Variants in EXOC4 observed in about 807,000 individuals in gnomAD.
EXOC4 encodes the protein exocyst complex component 4.
A neutral mutation model predicts 107.2 loss-of-function variants in EXOC4; 71 were observed. The observed-to-expected ratio is 0.66, with a 90% CI of 0.55 to 0.81. The LOEUF is 0.81. EXOC4 is among the 30% of genes least tolerant of loss of function. EXOC4 has a pLI of 0.00. For synonymous variants in EXOC4, 456 were observed against 441.2 expected, an observed-to-expected ratio of 1.03 and a Z score of -0.42; for missense variants, 1,108 against 1,189.6, an observed-to-expected ratio of 0.93 and a Z score of 1.01.
chr7:133,689,160 CT>C (rs1456415887), intron 10 of EXOC4, among the ~76,000 whole-genome samples: 1 of 152,128 alleles, frequency 6.6e-6, no homozygotes, highest in Non-Finnish European at 1.5e-5. Flanking sequence ...TGATGAAATA[CT>C]TTCCCTGACC....
At chr7:133,940,445 T>C (rs1230640706) in intron 14 of EXOC4, among the ~76,000 whole-genome samples, 1 of 152,210 alleles carries the variant, frequency 6.6e-6, no homozygotes, top group Non-Finnish European at 1.5e-5. Flanking sequence ...TTTTATAATA[T>C]AAGTTGTACC....
At chr7:133,819,568 A>G (rs1797460557) in intron 11 of EXOC4, among the ~76,000 whole-genome samples, 1 of 152,166 alleles carries the variant, frequency 6.6e-6, no homozygotes, top group South Asian at 2.1e-4. Flanking sequence ...ATAAGTACCC[A>G]CAGAGTCAGA....
intron 15 of EXOC4, among the ~76,000 whole-genome samples, chr7:134,002,686 T>C (rs565771700): frequency 6.6e-6 from 1 of 152,130 alleles, no homozygotes; most frequent in Non-Finnish European, 1.5e-5. Context: ...ATCAAAGATA[T>C]ACACGCAGAA....
intron 1 of EXOC4, among the ~76,000 whole-genome samples, chr7:133,265,111 T>C (rs1326830593): frequency 6.6e-6 from 1 of 152,158 alleles, no homozygotes; most frequent in Non-Finnish European, 1.5e-5. Context: ...TCTTTTTTTC[T>C]TGCATCGGGA....
chr7:133,661,702 A>C lies in EXOC4; in HGVS notation c.1514+31561A>C, dbSNP rs946790966. On this transcript the variant is annotated intron_variant, in intron 10 of 17. Coordinates refer to ENST00000253861, the MANE Select transcript of EXOC4 (RefSeq NM_021807.4). ...AAAAAAAAAAAACAAAAAAAAAAAA[A>C]ACAAGAATTTTGATCACAGTCAGAC... Among the ~76,000 whole-genome samples the C allele has an allele frequency of 5.6e-5, 8 of 141,970 alleles. No homozygotes were observed. In the East Asian group the frequency reaches 8.2e-4, roughly 15 times the overall value. 93.1% of individuals were successfully genotyped at this position (141,970 alleles called of 152,430 possible).
intron 17 of EXOC4, among the ~76,000 whole-genome samples, chr7:134,045,351 C>G (rs530110468): frequency 7.9e-5 from 12 of 152,148 alleles, no homozygotes; most frequent in Non-Finnish European, 1.6e-4. Flanking sequence ...GGTCAGTTAA[C>G]TTACAAAAGC....
chr7:133,280,154 C>G (rs972787611), intron 2 of EXOC4, among the ~76,000 whole-genome samples: 1 of 152,128 alleles, frequency 6.6e-6, no homozygotes, highest in Non-Finnish European at 1.5e-5. Flanking sequence ...GAGACGAGGT[C>G]TCAACAGAAG....
chr7:133,555,027 G>T (rs1176751848), intron 9 of EXOC4, among the ~76,000 whole-genome samples: 1 of 152,132 alleles, frequency 6.6e-6, no homozygotes, highest in African/African-American at 2.4e-5. Flanking sequence ...TCTAGCCTGT[G>T]GGGTGTGGAT....
At chr7:134,042,551 C>T (rs6967856) in intron 17 of EXOC4, among the ~76,000 whole-genome samples, 80,686 of 151,622 alleles carry the variant, frequency 0.53, 22,240 homozygotes, top group African/African-American at 0.67. Flanking sequence ...CTGTCGATTA[C>T]GACAGAGGCC....
Position 133,671,789 on chromosome 7 carries a change from A to G in EXOC4, c.1514+41648A>G, listed in dbSNP as rs6969510. 2.4e-3 allele frequency among the ~76,000 whole-genome samples: 369 copies of G among 152,294 alleles called. 5 individuals are homozygous for G. Among genetic ancestry groups the G allele is most frequent in the African/African-American group, 8.3e-3 (345 of 41,562 alleles). On this transcript the variant is annotated intron_variant, in intron 10 of 17. Transcript: ENST00000253861. The stretch of plus-strand genomic sequence containing the variant: ...GAAAAAGAGGAGTCAAGCATATCGC[A>G]AAGGTTTTTCACTTAAGTAACAGCA...
chr7:133,600,056 G>A (rs922073285), intron 9 of EXOC4, among the ~76,000 whole-genome samples: 4 of 151,590 alleles, frequency 2.6e-5, no homozygotes, highest in Admixed American at 1.3e-4. Context: ...GGGTGCTACT[G>A]TGCCTGTGTA....
At chr7:133,363,706 C>CA (rs1216928416) in intron 6 of EXOC4, among the ~76,000 whole-genome samples, 1 of 151,290 alleles carries the variant, frequency 6.6e-6, no homozygotes, top group Non-Finnish European at 1.5e-5. Flanking sequence ...GAAATAGAGA[C>CA]AATCTGTTTC....
At chr7:133,772,270 T>A (rs757066725) in intron 10 of EXOC4, among the ~76,000 whole-genome samples, 12 of 152,054 alleles carry the variant, frequency 7.9e-5, no homozygotes, top group Non-Finnish European at 1.5e-4. Flanking sequence ...CCTGGTAATA[T>A]TTAGGAACAT....
At chr7:133,803,297 T>A (rs1796991209) in intron 10 of EXOC4, among the ~76,000 whole-genome samples, 1 of 152,212 alleles carries the variant, frequency 6.6e-6, no homozygotes, top group African/African-American at 2.4e-5. Context: ...TTCCATTACT[T>A]TGAAAACAGG....
intron 10 of EXOC4, among the ~76,000 whole-genome samples, chr7:133,658,991 TC>T (rs1434029672): frequency 2.1e-5 from 3 of 139,566 alleles, no homozygotes; most frequent in Non-Finnish European, 3.1e-5. Context: ...GGTGAAGACT[TC>T]AGAGAAGCTT....
intron 6 of EXOC4, among the ~76,000 whole-genome samples, chr7:133,368,136 A>G (rs1383307840): frequency 6.6e-6 from 1 of 152,240 alleles, no homozygotes; most frequent in Non-Finnish European, 1.5e-5. Flanking sequence ...ACAAAGAACC[A>G]TAAAATAGGG....
chr7:134,095,524 G>A, the EXOC4 span, among the ~76,000 whole-genome samples: 1 of 152,038 alleles, frequency 6.6e-6, no homozygotes, highest in South Asian at 2.1e-4. Context: ...ACAATCCTAA[G>A]CAAAAAGAAC....
chr7:133,896,394 A>G (rs1799308635), intron 12 of EXOC4, among the ~76,000 whole-genome samples: 1 of 152,224 alleles, frequency 6.6e-6, no homozygotes, highest in African/African-American at 2.4e-5. Context: ...AAAAGAATGT[A>G]TAATAAAATA....
downstream of EXOC4, among the ~76,000 whole-genome samples, chr7:134,069,147 ACT>A (rs1796230821): frequency 6.6e-6 from 1 of 151,890 alleles, no homozygotes; most frequent in African/African-American, 2.4e-5. Flanking sequence ...GAAGCTTAGG[ACT>A]CTCACGATCC....
Sources: gnomAD v4.1 joint callset for allele counts (sites outside exome capture counted in the v4.1 genomes callset) on GRCh38, gnomAD v4.1.1 for gene constraint, MANE v1.5 for transcripts, NCBI Gene and HGNC (gene_info 2026-07-23, HGNC 2026-07-21) for gene names.